The following MGAT4C variants were observed in gnomAD, a reference collection of about 807,000 sequenced individuals.
MGAT4C encodes the protein MGAT4 family member C.
A neutral mutation model predicts 40.1 loss-of-function variants in MGAT4C; 19 were observed. That is an observed-to-expected ratio of 0.47 (90% CI 0.33 to 0.70). MGAT4C has a LOEUF of 0.70. Ranked by LOEUF, MGAT4C falls within the 30% of genes least tolerant of loss-of-function variation. MGAT4C has a pLI of 0.02. For synonymous variants in MGAT4C, 181 were observed against 187.1 expected (o/e 0.97, Z 0.27); for missense variants, 491 against 563.2 (o/e 0.87, Z 1.30).
chr12:86,408,471 C>T (rs1415849246), intron 3 of MGAT4C, among the ~76,000 whole-genome samples: 1 of 109,436 alleles, frequency 9.1e-6, no homozygotes, highest in Non-Finnish European at 1.8e-5. Flanking sequence ...CTCTCTCTCT[C>T]TCTCTCTCTA....
intron 2 of MGAT4C, among the ~76,000 whole-genome samples, chr12:86,529,898 G>T (rs929425685): frequency 3.3e-5 from 5 of 151,832 alleles, no homozygotes; most frequent in Admixed American, 3.3e-4. Context: ...TTTGTATATT[G>T]TCTACATACA....
chr12:86,698,893 A>T (rs1445376609), intron 2 of MGAT4C, among the ~76,000 whole-genome samples: 4 of 152,252 alleles, frequency 2.6e-5, no homozygotes, highest in African/African-American at 4.8e-5. Flanking sequence ...CACGTGCCTC[A>T]GGGGAGAAAG....
At chr12:86,490,091 C>T (rs879598322) in intron 2 of MGAT4C, among the ~76,000 whole-genome samples, 18 of 151,952 alleles carry the variant, frequency 1.2e-4, no homozygotes, top group Non-Finnish European at 2.4e-4. Flanking sequence ...AGATACTCCT[C>T]GAGAAGAGCA....
At chr12:86,494,161 A>G (rs529420406) in intron 2 of MGAT4C, among the ~76,000 whole-genome samples, 4 of 152,152 alleles carry the variant, frequency 2.6e-5, no homozygotes, top group South Asian at 4.1e-4. Context: ...TAGTTTTACA[A>G]TATATTCTTT....
At chr12:86,101,210 G>T (rs933472646) in intron 1 of MGAT4C, among the ~76,000 whole-genome samples, 6 of 151,650 alleles carry the variant, frequency 4.0e-5, no homozygotes, top group Non-Finnish European at 8.9e-5. Flanking sequence ...ATTTTGTTCA[G>T]TAAGATAAGG....
At chr12:86,706,227 G>A (rs1051493258) in intron 2 of MGAT4C, among the ~76,000 whole-genome samples, 1 of 152,054 alleles carries the variant, frequency 6.6e-6, no homozygotes, top group Non-Finnish European at 1.5e-5. Context: ...TTGTCTTACT[G>A]GATAAATTAA....
At chr12:86,130,746 ATATT>A (rs1881053055) in intron 1 of MGAT4C, among the ~76,000 whole-genome samples, 1 of 152,046 alleles carries the variant, frequency 6.6e-6, no homozygotes, top group Non-Finnish European at 1.5e-5. Context: ...TCTGGATTCA[ATATT>A]TATTTTAAAT....
intron 2 of MGAT4C, among the ~76,000 whole-genome samples, chr12:86,528,136 T>A (rs1417570200): frequency 6.6e-6 from 1 of 152,142 alleles, no homozygotes; most frequent in Admixed American, 6.5e-5. Flanking sequence ...AAACATTAAC[T>A]TTCTAGGAGA....
At chr12:86,057,325 T>A (rs1214181834) in intron 1 of MGAT4C, among the ~76,000 whole-genome samples, 1 of 152,168 alleles carries the variant, frequency 6.6e-6, no homozygotes, top group Non-Finnish European at 1.5e-5. Flanking sequence ...TATCCAATTA[T>A]GTAAGTGAAT....
chr12:86,399,326 A>G (rs1956314789), intron 3 of MGAT4C, among the ~76,000 whole-genome samples: 1 of 149,098 alleles, frequency 6.7e-6, no homozygotes, highest in African/African-American at 2.5e-5. Flanking sequence ...TCTATCACCC[A>G]GGCTGGAGTG....
At chr12:86,504,075 C>T (rs1958426060) in intron 2 of MGAT4C, among the ~76,000 whole-genome samples, 1 of 151,576 alleles carries the variant, frequency 6.6e-6, no homozygotes, top group African/African-American at 2.4e-5. Context: ...AGAAAAAATG[C>T]TCAAATTCGA....
chr12:86,108,578 G>A (rs1876637313), intron 1 of MGAT4C, among the ~76,000 whole-genome samples: 1 of 152,060 alleles, frequency 6.6e-6, no homozygotes, highest in Non-Finnish European at 1.5e-5. Flanking sequence ...CTCCAGATAG[G>A]AAGAATACCC....
rs567490728 is a variant in MGAT4C at position 85,984,860 on chromosome 12, C to T, written c.148-1190G>A. Among the ~76,000 whole-genome samples, 18 of 152,142 alleles carry T rather than the reference C, an allele frequency of 1.2e-4. No homozygotes were observed. In the South Asian group the frequency reaches 3.5e-3, roughly 30 times the overall value. On this transcript the variant is annotated intron_variant, in intron 3 of 4. Coordinates refer to ENST00000611864, the MANE Select transcript of MGAT4C (RefSeq NM_001351288.2). Reference sequence around the variant, plus strand: ...GTGGCATGATCTCTGCTCACTATAACCTCCGCCTCCTAGGTTCAAGCCATT... The same window carrying T: ...GTGGCATGATCTCTGCTCACTATAATCTCCGCCTCCTAGGTTCAAGCCATT...
intron 1 of MGAT4C, among the ~76,000 whole-genome samples, chr12:86,240,653 C>T (rs1247402403): frequency 1.3e-5 from 2 of 152,082 alleles, no homozygotes; most frequent in African/African-American, 2.4e-5. Flanking sequence ...TCCAGCCCCT[C>T]CCCTGACTCT....
chr12:86,793,609 T>G (rs1952064012), intron 1 of MGAT4C, among the ~76,000 whole-genome samples: 2 of 152,078 alleles, frequency 1.3e-5, no homozygotes, highest in South Asian at 2.1e-4. Context: ...CTCATTTGTT[T>G]CCAGTTAAAC....
At chr12:86,602,338 G>A (rs935536994) in intron 2 of MGAT4C, among the ~76,000 whole-genome samples, 2 of 152,316 alleles carry the variant, frequency 1.3e-5, no homozygotes, top group Admixed American at 6.5e-5. Flanking sequence ...TGACAATAAG[G>A]TGGTACTTCT....
At chr12:86,240,843 G>A (rs138477824) in intron 1 of MGAT4C, among the ~76,000 whole-genome samples, 125 of 152,206 alleles carry the variant, frequency 8.2e-4, no homozygotes, top group South Asian at 5.0e-3. Flanking sequence ...GTTGCCTGTT[G>A]AAATGTTTGC....
chr12:86,589,385 A>G (rs1236180252), intron 2 of MGAT4C, among the ~76,000 whole-genome samples: 1 of 152,146 alleles, frequency 6.6e-6, no homozygotes, highest in Non-Finnish European at 1.5e-5. Context: ...GACCAATAAC[A>G]GGAGCTGAAA....
At chr12:86,007,242 T>C (rs961914857) in intron 2 of MGAT4C, among the ~76,000 whole-genome samples, 1 of 152,130 alleles carries the variant, frequency 6.6e-6, no homozygotes, top group Non-Finnish European at 1.5e-5. Context: ...GGCAGCACAA[T>C]ACCAATAGTG....
Sources: gnomAD v4.1 joint callset for allele counts (sites outside exome capture counted in the v4.1 genomes callset) on GRCh38, gnomAD v4.1.1 for gene constraint, MANE v1.5 for transcripts, NCBI Gene and HGNC (gene_info 2026-07-23, HGNC 2026-07-21) for gene names.